Variants in CSMD1 observed in about 807,000 individuals in gnomAD.
The protein encoded by CSMD1 is CUB and sushi domain-containing protein 1.
CSMD1 carries 213 observed loss-of-function variants against 417.5 expected under a neutral mutation model. That is an observed-to-expected ratio of 0.51 (90% CI 0.46 to 0.57). The LOEUF (loss-of-function observed/expected upper bound fraction) is 0.57, where lower values mean the gene tolerates loss of function less well. CSMD1 is among the 20% of genes least tolerant of loss of function. The pLI is 0.00. For missense variants in CSMD1, 6,923 were observed against 4,529.7 expected, an observed-to-expected ratio of 1.53 and a Z score of -15.17; for synonymous variants, 2,862 against 1,736.8, an observed-to-expected ratio of 1.65 and a Z score of -16.11.
At chr8:4,635,452 T>A (rs895572670) in intron 2 of CSMD1, among the ~76,000 whole-genome samples, 2 of 152,060 alleles carry the variant, frequency 1.3e-5, no homozygotes, top group Non-Finnish European at 2.9e-5. Flanking sequence ...AAGACATACC[T>A]GTCAGTCAAA....
chr8:3,541,100 T>A (rs757610837), intron 10 of CSMD1, among the ~76,000 whole-genome samples: 3 of 152,138 alleles, frequency 2.0e-5, no homozygotes, highest in African/African-American at 4.8e-5. Context: ...TGCAGCACTA[T>A]TCACAACAGC....
chr8:3,963,429 C>T (rs944009291), intron 5 of CSMD1, among the ~76,000 whole-genome samples: 5 of 152,082 alleles, frequency 3.3e-5, no homozygotes, highest in East Asian at 1.9e-4. Context: ...GAAAATATCT[C>T]GCTGGTCTCT....
intron 57 of CSMD1, 135 bp downstream of exon 57, chr8:2,972,982 A>T (rs1426960024): frequency 4.6e-6 from 4 of 867,044 alleles, no homozygotes; most frequent in Non-Finnish European, 6.9e-6. Context: ...TGCTTCCACA[A>T]ATATTGCGGG....
intron 1 of CSMD1, among the ~76,000 whole-genome samples, chr8:4,821,567 C>G (rs529743197): frequency 7.6e-4 from 116 of 152,172 alleles, no homozygotes; most frequent in African/African-American, 2.6e-3. Context: ...TTGAAATCCC[C>G]TAGTAATCAG....
chr8:4,125,280 A>G (rs933103227), intron 3 of CSMD1, among the ~76,000 whole-genome samples: 7 of 152,344 alleles, frequency 4.6e-5, no homozygotes, highest in Admixed American at 3.9e-4. Context: ...GCTCACTGAG[A>G]TAAATGCGAA....
chr8:3,208,722 C>A (rs1222090671), intron 30 of CSMD1, among the ~76,000 whole-genome samples: 1 of 152,000 alleles, frequency 6.6e-6, no homozygotes, highest in Non-Finnish European at 1.5e-5. Flanking sequence ...TGGGTGGGCA[C>A]CATCTAATAA....
intron 41 of CSMD1, among the ~76,000 whole-genome samples, chr8:3,134,425 T>G (rs948275968): frequency 4.6e-5 from 7 of 152,128 alleles, no homozygotes; most frequent in Non-Finnish European, 8.8e-5. Flanking sequence ...TGGAGAACGT[T>G]TGACTCTCAG....
chr8:4,790,399 T>C (rs1010657774), intron 1 of CSMD1, among the ~76,000 whole-genome samples: 1 of 152,164 alleles, frequency 6.6e-6, no homozygotes, highest in Non-Finnish European at 1.5e-5. Flanking sequence ...TAAATAGCCA[T>C]ACTTCCCAGA....
At chr8:3,026,072 C>T (rs1315166039) in intron 51 of CSMD1, among the ~76,000 whole-genome samples, 1 of 152,020 alleles carries the variant, frequency 6.6e-6, no homozygotes, top group Non-Finnish European at 1.5e-5. Flanking sequence ...TGTTAGGAGT[C>T]AGCTGACTTT....
At chr8:4,033,162 C>G (rs1003131242) in intron 3 of CSMD1, among the ~76,000 whole-genome samples, 2 of 146,394 alleles carry the variant, frequency 1.4e-5, no homozygotes, top group South Asian at 2.1e-4. Context: ...AAAACCTGGC[C>G]AGGCACGGTA....
At position 4,925,050 on chromosome 8, in the gene CSMD1, C is replaced by T. The variant is rs114772005; in HGVS notation, c.85+69282G>A. ...GCAAGTGACTTGAATTACTACATAC[C>T]TTAAATAGTTTGGGTTGTTATCAAG... On this transcript the variant is annotated intron_variant, in intron 1 of 69. Coordinates refer to ENST00000635120, the MANE Select transcript of CSMD1 (RefSeq NM_033225.6). Among the ~76,000 whole-genome samples, 1,412 of 152,040 alleles carry T rather than the reference C, an allele frequency of 9.3e-3. 16 individuals are homozygous for T. The highest frequency in any genetic ancestry group is 0.032 in the African/African-American group (1,328 of 41,468).
intron 5 of CSMD1, among the ~76,000 whole-genome samples, chr8:3,938,672 T>G (rs1810668683): frequency 6.6e-6 from 1 of 152,184 alleles, no homozygotes; most frequent in Non-Finnish European, 1.5e-5. Context: ...CTTCTGTTAA[T>G]TACTTTGAAT....
chr8:3,590,467 G>C (rs760911676), intron 8 of CSMD1, among the ~76,000 whole-genome samples: 2 of 152,142 alleles, frequency 1.3e-5, no homozygotes, highest in Non-Finnish European at 2.9e-5. Flanking sequence ...GACTAGTTCA[G>C]TGGAGAGCGG....
chr8:4,313,171 C>G (rs553007090), intron 3 of CSMD1, among the ~76,000 whole-genome samples: 1 of 152,264 alleles, frequency 6.6e-6, no homozygotes, highest in African/African-American at 2.4e-5. Flanking sequence ...TTCTAATCTA[C>G]TAAATGTACA....
At chr8:4,146,593 CATTTTTTTTTTTTTTTTTTTTT>C (rs1291602248) in intron 3 of CSMD1, among the ~76,000 whole-genome samples, 2 of 90,742 alleles carry the variant, frequency 2.2e-5, no homozygotes, top group Non-Finnish European at 3.9e-5. Flanking sequence ...TATATGGACA[CATTTTTTTTTTTTTTTTTTTTT>C]TTTTTTTTTT....
At chr8:3,132,414 G>A (rs1817839114) in intron 41 of CSMD1, among the ~76,000 whole-genome samples, 1 of 151,756 alleles carries the variant, frequency 6.6e-6, no homozygotes, top group Non-Finnish European at 1.5e-5. Flanking sequence ...ACCTTCACAA[G>A]TTATAAAATA....
intron 41 of CSMD1, among the ~76,000 whole-genome samples, chr8:3,120,249 AG>A (rs1207737722): frequency 2.0e-5 from 3 of 152,160 alleles, no homozygotes; most frequent in African/African-American, 7.2e-5. Flanking sequence ...GGGATTACTC[AG>A]GGATTAGATT....
intron 9 of CSMD1, among the ~76,000 whole-genome samples, chr8:3,582,009 G>A (rs1421986596): frequency 6.6e-6 from 1 of 152,148 alleles, no homozygotes; most frequent in Non-Finnish European, 1.5e-5. Flanking sequence ...TGGCCAGGTT[G>A]GTCTTGAACT....
chr8:4,262,042 G>A (rs1285006760), intron 3 of CSMD1, among the ~76,000 whole-genome samples: 1 of 152,040 alleles, frequency 6.6e-6, no homozygotes, highest in Non-Finnish European at 1.5e-5. Flanking sequence ...CCTTATTATT[G>A]TCCCATATTT....
Sources: gnomAD v4.1 joint callset for allele counts (sites outside exome capture counted in the v4.1 genomes callset) on GRCh38, gnomAD v4.1.1 for gene constraint, MANE v1.5 for transcripts, NCBI Gene and HGNC (gene_info 2026-07-23, HGNC 2026-07-21) for gene names.